Variants in SUMF2 observed in about 807,000 individuals in gnomAD.
SUMF2 encodes the protein sulfatase modifying factor 2.
SUMF2 carries 45 observed loss-of-function variants against 44.8 expected under a neutral mutation model. That is an observed-to-expected ratio of 1.00 (90% CI 0.79 to 1.29). The LOEUF is 1.29. Among genes scored for constraint, SUMF2 ranks in the 50% most tolerant of loss-of-function variants. The pLI is 0.00. For synonymous variants in SUMF2, 148 were observed against 150.4 expected (o/e 0.98, Z 0.12); for missense variants, 418 against 389.9 (o/e 1.07, Z -0.61).
rs1795871277 is a variant in SUMF2 at position 56,079,956 on chromosome 7, C to CT, written c.*347dup. 4.9e-6 allele frequency: 6 copies of CT among 1,225,724 alleles called. No individual in the cohort carries two copies. The African/African-American group carries it at 6.1e-5, about 13-fold the overall frequency. 75.9% of individuals were successfully genotyped at this position (1,225,724 alleles called of 1,614,324 possible). On this transcript the variant is annotated 3_prime_UTR_variant, in exon 9 of 9. Transcript: ENST00000434526. ...GCATTTTAAAATCTATTCTCTCCCC[C>CT]TTTCTCCCTGGATGATTCAGGAAGC...
chr7:56,084,123 C>G (rs2242510), downstream of SUMF2: 61,111 of 1,329,782 alleles, frequency 0.046, 2,123 homozygotes, highest in East Asian at 0.2. Flanking sequence ...CAATGGGCCC[C>G]GAGCTGGTGG....
chr7:56,082,702 G>A (rs78024656), downstream of SUMF2, among the ~76,000 whole-genome samples: 14,331 of 152,218 alleles, frequency 0.094, 898 homozygotes, highest in Middle Eastern at 0.22. Context: ...GGGCAGGGCG[G>A]GATACTGCCC....
chr7:56,078,281 G>A, intron 7 of SUMF2, 83 bp from the exon 8 acceptor site: 1 of 1,561,630 alleles, frequency 6.4e-7, no homozygotes, highest in Admixed American at 1.8e-5. Context: ...CCTCCCTTCT[G>A]CCATTTGGCC....
chr7:56,067,078 C>G (rs1486483828), intron 1 of SUMF2, among the ~76,000 whole-genome samples: 2 of 152,166 alleles, frequency 1.3e-5, no homozygotes, highest in African/African-American at 4.8e-5. Flanking sequence ...TGGTGAGAAT[C>G]ACTAAGAACT....
downstream of SUMF2, chr7:56,083,539 GCA>G: frequency 1.3e-6 from 2 of 1,521,260 alleles, no homozygotes; most frequent in Non-Finnish European, 1.8e-6. Flanking sequence ...CAAGGGAGCA[GCA>G]CACACGCCCA....
downstream of SUMF2, chr7:56,080,895 C>T (rs1446635823): frequency 1.5e-5 from 12 of 821,036 alleles, no homozygotes; most frequent in Non-Finnish European, 2.2e-5. Flanking sequence ...CCCTTGTGCA[C>T]AGCCTTTGAG....
downstream of SUMF2, chr7:56,083,547 G>A (rs1377655664): frequency 1.5e-5 from 23 of 1,506,446 alleles, no homozygotes; most frequent in South Asian, 4.6e-5. Context: ...CAGCACACAC[G>A]CCCAGCCCAG....
downstream of SUMF2, among the ~76,000 whole-genome samples, chr7:56,085,164 T>C (rs1362603944): frequency 6.6e-6 from 1 of 152,216 alleles, no homozygotes; most frequent in East Asian, 1.9e-4. Context: ...TTTTGCCATG[T>C]TGCCCAGGCT....
chr7:56,079,469 T>C (rs1181890717), intron 8 of SUMF2, 59 bp from the exon 9 acceptor site: 1 of 1,527,784 alleles, frequency 6.5e-7, no homozygotes, highest in African/African-American at 1.4e-5. Flanking sequence ...GCAAGATGGG[T>C]AAGCCCTAGG....
At chr7:56,083,772 C>G (rs1796135172), downstream of SUMF2, 2 of 1,231,770 alleles carry the variant, frequency 1.6e-6, no homozygotes, top group Admixed American at 2.0e-5. Context: ...CTGCCCTTAC[C>G]CTGCTCCCAG....
At chr7:56,071,041 C>A (rs756914347) in intron 2 of SUMF2, among the ~76,000 whole-genome samples, 3 of 152,194 alleles carry the variant, frequency 2.0e-5, no homozygotes, top group Non-Finnish European at 4.4e-5. Flanking sequence ...TATTCTGTAT[C>A]TTGATTATTG....
chr7:56,073,524 A>C (rs1034611840), intron 3 of SUMF2: 2 of 279,870 alleles, frequency 7.1e-6, no homozygotes, highest in Middle Eastern at 1.3e-3. Context: ...CGCTCCTGTA[A>C]TCTGAGCTAC....
intron 1 of SUMF2, among the ~76,000 whole-genome samples, chr7:56,065,846 C>T (rs1300018654): frequency 5.9e-5 from 9 of 151,992 alleles, no homozygotes; most frequent in Non-Finnish European, 1.3e-4. Context: ...ACTTTAAGAG[C>T]CTGAGGCGGG....
intron 1 of SUMF2, among the ~76,000 whole-genome samples, chr7:56,065,077 A>G (rs931008104): frequency 6.7e-6 from 1 of 150,286 alleles, no homozygotes; most frequent in Non-Finnish European, 1.5e-5. Context: ...TTGTAGTCCC[A>G]GCTACTAGGG....
At chr7:56,076,670 C>A (rs1241933788) in intron 5 of SUMF2, 164 bp from the exon 6 acceptor site, 3 of 593,668 alleles carry the variant, frequency 5.1e-6, no homozygotes, top group East Asian at 3.1e-5. Flanking sequence ...TAATGCAGTT[C>A]AGCGAGTGGA....
intron 2 of SUMF2, among the ~76,000 whole-genome samples, chr7:56,071,260 G>A (rs1795136119): frequency 6.6e-6 from 1 of 152,180 alleles, no homozygotes; most frequent in Admixed American, 6.6e-5. Flanking sequence ...GGGAGGCTGA[G>A]GAGGGAAAAT....
At chr7:56,075,526 C>G (rs1439663633) in intron 5 of SUMF2, among the ~76,000 whole-genome samples, 1 of 151,496 alleles carries the variant, frequency 6.6e-6, no homozygotes, top group Non-Finnish European at 1.5e-5. Flanking sequence ...GAAACCCCGT[C>G]TCTACTAAAA....
chr7:56,073,160 C>T lies in SUMF2; in HGVS notation c.339+49C>T, dbSNP rs538777673. On this transcript the variant is annotated intron_variant, in intron 3 of 8. Coordinates refer to ENST00000434526, the MANE Select transcript of SUMF2 (RefSeq NM_015411.4). The stretch of plus-strand genomic sequence containing the variant: ...TGAGGGGATAGGAGTGGGACCTGGA[C>T]AGGGAATCCTGTGGGACATGGGTTA... 2.1e-6 allele frequency: 3 copies of T among 1,454,844 alleles called. No individual in the cohort carries two copies. In the African/African-American group the frequency reaches 4.2e-5, roughly 20 times the overall value. The allele number at this position is 1,454,844 out of a possible 1,614,324, so 90.1% of individuals were successfully genotyped here.
At chr7:56,083,241 C>T (rs372066351), downstream of SUMF2, 220 of 1,605,538 alleles carry the variant, frequency 1.4e-4, 4 homozygotes, top group African/African-American at 8.4e-4. Context: ...ATTGAGCACC[C>T]GAGGCCTGGA....
Sources: gnomAD v4.1 joint callset for allele counts (sites outside exome capture counted in the v4.1 genomes callset) on GRCh38, gnomAD v4.1.1 for gene constraint, MANE v1.5 for transcripts, NCBI Gene and HGNC (gene_info 2026-07-23, HGNC 2026-07-21) for gene names.